The following KDM2A variants were observed in gnomAD, a reference collection of about 807,000 sequenced individuals.
KDM2A encodes lysine-specific demethylase 2A.
A neutral mutation model predicts 137.3 loss-of-function variants in KDM2A; 3 were observed. The observed-to-expected ratio is 0.02, with a 90% CI of 0.01 to 0.06. The LOEUF (loss-of-function observed/expected upper bound fraction) is 0.06. Among genes scored for constraint, KDM2A ranks in the 10% least tolerant of loss-of-function variants. KDM2A has a pLI of 1.00. For synonymous variants in KDM2A, 512 were observed against 541.5 expected (o/e 0.95, Z 0.76); for missense variants, 738 against 1,510.6 (o/e 0.49, Z 8.48).
At chr11:67,190,779 A>G (rs1314001247) in intron 5 of KDM2A, among the ~76,000 whole-genome samples, 1 of 152,178 alleles carries the variant, frequency 6.6e-6, no homozygotes, top group Non-Finnish European at 1.5e-5. Context: ...TACTACGAAC[A>G]ATTGTTCATC....
intron 12 of KDM2A, among the ~76,000 whole-genome samples, chr11:67,232,894 G>A (rs1197006573): frequency 2.0e-5 from 3 of 151,854 alleles, no homozygotes; most frequent in Non-Finnish European, 2.9e-5. Flanking sequence ...ATTTTTGATA[G>A]AGATGGGGTT....
At chr11:67,159,088 A>C (rs568167903) in intron 2 of KDM2A, among the ~76,000 whole-genome samples, 2 of 152,182 alleles carry the variant, frequency 1.3e-5, no homozygotes, top group Non-Finnish European at 2.9e-5. Context: ...AAAACCCATT[A>C]CCAAAGCCAA....
In KDM2A at chr11:67,250,622, G is replaced by A; in HGVS notation, c.2592G>A (p.Glu864=). 1 of 1,613,018 alleles carries A rather than the reference G, an allele frequency of 6.2e-7. No individual in the cohort carries two copies. The highest frequency in any genetic ancestry group is 8.5e-7 in the Non-Finnish European group (1 of 1,179,250). Residue 864 remains glutamate, a synonymous_variant, in exon 17 of 21, where the codon GAG becomes GAA. Coordinates refer to ENST00000529006, the MANE Select transcript of KDM2A (RefSeq NM_012308.3). This position sits in a 1 kb window ranked among gnomAD's most constrained non-coding sequence, Gnocchi z 7.1. The stretch of plus-strand genomic sequence containing the variant: ...AGGAGGAGGAAGAGGAGGAGGAGGA[G>A]GAGGAAGATGACAGTGCAGAGGAGG... ...GGEEEEEEEE[E]EEDDSAEEGG...
chr11:67,187,207 T>C (rs1400926092), intron 5 of KDM2A, among the ~76,000 whole-genome samples: 1 of 152,196 alleles, frequency 6.6e-6, no homozygotes, highest in Non-Finnish European at 1.5e-5. Context: ...TAAATGTATC[T>C]AAGTACAAAA....
chr11:67,186,575 G>A (rs1043638141), intron 5 of KDM2A, among the ~76,000 whole-genome samples: 6 of 152,188 alleles, frequency 3.9e-5, no homozygotes, highest in Admixed American at 6.5e-5. Context: ...GAAATATCTC[G>A]ATAAAGGTAA....
rs577485046 is a variant in KDM2A at position 67,186,219 on chromosome 11, C to A, written c.307+4327C>A. Among the ~76,000 whole-genome samples the A allele has an allele frequency of 7.5e-4, 114 of 152,026 alleles. 1 individual carries two copies. Among genetic ancestry groups the A allele is most frequent in the South Asian group, 6.2e-3 (30 of 4,806 alleles). On this transcript the variant is annotated intron_variant, in intron 5 of 20. Transcript: ENST00000529006. Reference sequence around the variant, plus strand: ...ACATTATAATCAAACTTTCAAAAGCCAAAGACAAACTCTTGAAAGCATCAA... The same window carrying A: ...ACATTATAATCAAACTTTCAAAAGCAAAAGACAAACTCTTGAAAGCATCAA...
At chr11:67,142,600 G>A (rs1200667944) in intron 2 of KDM2A, among the ~76,000 whole-genome samples, 5 of 148,426 alleles carry the variant, frequency 3.4e-5, no homozygotes, top group African/African-American at 1.2e-4. Flanking sequence ...GGTTGGGGGG[G>A]CGTCAAGGCA....
At chr11:67,125,778 C>CA (rs1209264085) in intron 2 of KDM2A, among the ~76,000 whole-genome samples, 1,485 of 100,218 alleles carry the variant, frequency 0.015, 14 homozygotes, top group South Asian at 0.038. Flanking sequence ...GACTCCATCT[C>CA]AAAAAAAAAA....
Position 67,192,830 on chromosome 11 carries a change from G to A in KDM2A, c.307+10938G>A, listed in dbSNP as rs71457762. Among the ~76,000 whole-genome samples, 1,433 of 152,158 alleles carry A rather than the reference G, an allele frequency of 9.4e-3. 9 individuals are homozygous for A. The highest frequency in any genetic ancestry group is 0.015 in the Non-Finnish European group (1,015 of 67,998). ...ACATTTGAGAGTTTAGACGGTATAAGCCTAGAAGTGGGCCAAAGAGTATAC... is the reference window on the plus strand; with the variant it reads ...ACATTTGAGAGTTTAGACGGTATAAACCTAGAAGTGGGCCAAAGAGTATAC... On this transcript the variant is annotated intron_variant, in intron 5 of 20. Coordinates refer to ENST00000529006, the MANE Select transcript of KDM2A (RefSeq NM_012308.3).
At chr11:67,165,090 A>G (rs1565384800) in intron 2 of KDM2A, among the ~76,000 whole-genome samples, 1 of 151,574 alleles carries the variant, frequency 6.6e-6, no homozygotes, top group Non-Finnish European at 1.5e-5. Flanking sequence ...GGGTAGGAGT[A>G]TATGTGTTTG....
intron 5 of KDM2A, among the ~76,000 whole-genome samples, chr11:67,202,992 C>A (rs1186980154): frequency 1.4e-5 from 2 of 147,236 alleles, no homozygotes; most frequent in Non-Finnish European, 3.0e-5. Context: ...AAGACCCTGT[C>A]CGTCCGCCGC....
At chr11:67,239,226 G>T (rs1330723283) in intron 12 of KDM2A, among the ~76,000 whole-genome samples, 1 of 152,144 alleles carries the variant, frequency 6.6e-6, no homozygotes, top group Non-Finnish European at 1.5e-5. Flanking sequence ...GGGAGAATGT[G>T]TGTTCCCTGG....
At chr11:67,155,453 C>T (rs1278140932) in intron 2 of KDM2A, among the ~76,000 whole-genome samples, 4 of 151,908 alleles carry the variant, frequency 2.6e-5, no homozygotes, top group Non-Finnish European at 5.9e-5. Flanking sequence ...GGGCTGTAGG[C>T]AGGTACCACC....
chr11:67,223,610 A>G (rs1387907551), intron 10 of KDM2A, among the ~76,000 whole-genome samples: 3 of 151,922 alleles, frequency 2.0e-5, no homozygotes, highest in East Asian at 1.9e-4. Flanking sequence ...AGGTTTTACT[A>G]TGCTGCCCAG....
At chr11:67,137,098 A>T (rs989697721) in intron 2 of KDM2A, among the ~76,000 whole-genome samples, 1 of 152,178 alleles carries the variant, frequency 6.6e-6, no homozygotes, top group Non-Finnish European at 1.5e-5. Flanking sequence ...ACATGCAGAA[A>T]CTCTTAAGGT....
intron 2 of KDM2A, among the ~76,000 whole-genome samples, chr11:67,139,333 C>T (rs1229563024): frequency 6.6e-6 from 1 of 152,092 alleles, no homozygotes; most frequent in Non-Finnish European, 1.5e-5. Context: ...CAACCTCCGC[C>T]TCCCAGGTTC....
chr11:67,250,596 G>A lies in KDM2A; in HGVS notation c.2566G>A (p.Glu856Lys), dbSNP rs1859388038. The change falls in exon 17 of 21, where the codon GAG becomes AAG. Residue 856 changes from glutamate to lysine, a missense_variant. Physicochemically the swap from Glu to Lys is moderately conservative, Grantham distance 56. Coordinates refer to ENST00000529006, the MANE Select transcript of KDM2A (RefSeq NM_012308.3). This position sits in a 1 kb window ranked among gnomAD's most constrained non-coding sequence, Gnocchi z 7.1. ...QRGDEEGLGGEEEEEEEEEEE... is the reference protein window; with the variant it reads ...QRGDEEGLGGKEEEEEEEEEE... ...TGGGGATGAGGAGGGGCTGGGGGGA[G>A]AGGAGGAGGAAGAGGAGGAGGAGGA... The A allele has an allele frequency of 6.2e-7, 1 of 1,612,328 alleles. No homozygotes were observed. Among genetic ancestry groups the A allele is most frequent in the Non-Finnish European group, 8.5e-7 (1 of 1,178,726 alleles).
At chr11:67,172,645 TGTGTGG>T (rs956991122) in intron 2 of KDM2A, among the ~76,000 whole-genome samples, 4 of 151,386 alleles carry the variant, frequency 2.6e-5, no homozygotes, top group Non-Finnish European at 4.4e-5. Context: ...TGTGTGTGTG[TGTGTGG>T]ATTCCTTATA....
intron 2 of KDM2A, among the ~76,000 whole-genome samples, chr11:67,147,038 A>G (rs548603379): frequency 2.4e-4 from 37 of 152,144 alleles, no homozygotes; most frequent in Non-Finnish European, 4.6e-4. Context: ...GTCAGATATA[A>G]ATAGCCAGAA....
Sources: allele counts gnomAD v4.1 joint callset (sites outside exome capture counted in the v4.1 genomes callset), GRCh38; gene constraint gnomAD v4.1.1; non-coding constraint Gnocchi (gnomAD v3.1); transcripts MANE v1.5; gene names NCBI Gene and HGNC (gene_info 2026-07-23, HGNC 2026-07-21).